The following CTNND2 variants were observed in gnomAD, a reference collection of about 807,000 sequenced individuals.
CTNND2 encodes catenin delta-2.
Under a neutral mutation model 144.4 loss-of-function variants are expected in CTNND2, and 22 were observed. The observed-to-expected ratio is 0.15, with a 90% CI of 0.11 to 0.22. CTNND2 has a LOEUF of 0.22. Ranked by LOEUF, CTNND2 falls within the 10% of genes least tolerant of loss-of-function variation. The pLI, the probability that CTNND2 is intolerant of heterozygous loss-of-function variation, is 1.00. For synonymous variants in CTNND2, 751 were observed against 695.6 expected (o/e 1.08, Z -1.25); for missense variants, 1,353 against 1,618.8 (o/e 0.84, Z 2.82).
At chr5:11,506,277 G>A (rs1413635491) in intron 3 of CTNND2, among the ~76,000 whole-genome samples, 1 of 152,190 alleles carries the variant, frequency 6.6e-6, no homozygotes, top group Non-Finnish European at 1.5e-5. Context: ...AAATTGGAAG[G>A]CTTTGGGAAA....
rs542347835 is a variant in CTNND2, at chr5:11,711,819, T to C, written c.174+20317A>G. ...ACACGGCCTTAAGTATGCTAACTTATCTCATTAAGCCTCAGTTTCCTCATC... is the reference window on the plus strand; with the variant it reads ...ACACGGCCTTAAGTATGCTAACTTACCTCATTAAGCCTCAGTTTCCTCATC... On this transcript the variant is annotated intron_variant, in intron 2 of 21. Transcript: ENST00000304623. Among the ~76,000 whole-genome samples the C allele has an allele frequency of 1.1e-4, 16 of 152,344 alleles. No homozygotes were observed. In the East Asian group the frequency reaches 2.9e-3, roughly 28 times the overall value.
chr5:11,468,591 G>A (rs879890870), intron 3 of CTNND2, among the ~76,000 whole-genome samples: 4 of 152,100 alleles, frequency 2.6e-5, no homozygotes, highest in Admixed American at 1.3e-4. Flanking sequence ...AGGGTGCTCG[G>A]ACAATACTGC....
chr5:11,071,939 C>T (rs749961123), intron 16 of CTNND2, among the ~76,000 whole-genome samples: 88 of 152,138 alleles, frequency 5.8e-4, no homozygotes, highest in South Asian at 1.5e-3. Context: ...GAAAAGAAGG[C>T]CAAGTAAAAA....
chr5:11,586,495 C>A (rs1345710389), intron 2 of CTNND2, among the ~76,000 whole-genome samples: 1 of 152,160 alleles, frequency 6.6e-6, no homozygotes, highest in African/African-American at 2.4e-5. Context: ...AATCAGAATT[C>A]ACACGTTAAT....
chr5:11,347,575 G>A (rs1754925786), intron 8 of CTNND2, among the ~76,000 whole-genome samples: 1 of 152,128 alleles, frequency 6.6e-6, no homozygotes, highest in African/African-American at 2.4e-5. Context: ...TTTCATTTCA[G>A]TAGAATATGA....
At chr5:11,468,053 G>A in intron 3 of CTNND2, among the ~76,000 whole-genome samples, 1 of 152,208 alleles carries the variant, frequency 6.6e-6, no homozygotes, top group East Asian at 1.9e-4. Flanking sequence ...ACGTGTGTCT[G>A]TGTGAAGTCC....
At chr5:11,198,069 G>A (rs371341746) in intron 11 of CTNND2, among the ~76,000 whole-genome samples, 56 of 152,242 alleles carry the variant, frequency 3.7e-4, no homozygotes, top group African/African-American at 1.3e-3. Flanking sequence ...TCTTTCTTTT[G>A]CAGGCAGTTC....
At chr5:11,289,411 C>T (rs972612221) in intron 9 of CTNND2, among the ~76,000 whole-genome samples, 14 of 152,220 alleles carry the variant, frequency 9.2e-5, no homozygotes, top group African/African-American at 3.4e-4. Flanking sequence ...CTGCGTATGG[C>T]ATCTTCTCTT....
At chr5:11,585,664 T>G (rs1266161670) in intron 2 of CTNND2, among the ~76,000 whole-genome samples, 1 of 152,008 alleles carries the variant, frequency 6.6e-6, no homozygotes, top group African/African-American at 2.4e-5. Flanking sequence ...GTGAACCAAA[T>G]AAACAGATTA....
At chr5:11,345,332 A>C (rs1163557632) in intron 9 of CTNND2, among the ~76,000 whole-genome samples, 1 of 152,160 alleles carries the variant, frequency 6.6e-6, no homozygotes, top group Non-Finnish European at 1.5e-5. Flanking sequence ...ATTACAATTC[A>C]CTTTTTCAAT....
At chr5:11,423,692 C>T (rs1356211086) in intron 3 of CTNND2, among the ~76,000 whole-genome samples, 2 of 152,314 alleles carry the variant, frequency 1.3e-5, no homozygotes, top group South Asian at 4.1e-4. Context: ...CTAAAATACA[C>T]TGATGTGCTC....
At chr5:11,812,776 C>G (rs924256141) in intron 1 of CTNND2, among the ~76,000 whole-genome samples, 1 of 152,140 alleles carries the variant, frequency 6.6e-6, no homozygotes, top group African/African-American at 2.4e-5. Context: ...AGCCTACAAT[C>G]AAGCTGACTC....
At chr5:11,336,998 G>C (rs1324793894) in intron 9 of CTNND2, among the ~76,000 whole-genome samples, 1 of 152,136 alleles carries the variant, frequency 6.6e-6, no homozygotes, top group Non-Finnish European at 1.5e-5. Context: ...TCTGGTGAGG[G>C]TTCCACAACG....
At chr5:11,095,309 C>T (rs1301322862) in intron 15 of CTNND2, among the ~76,000 whole-genome samples, 2 of 152,170 alleles carry the variant, frequency 1.3e-5, no homozygotes, top group Non-Finnish European at 2.9e-5. Flanking sequence ...AGTCTGAACA[C>T]TGAAAAGAAA....
At chr5:11,036,686 G>A (rs937303571) in intron 16 of CTNND2, among the ~76,000 whole-genome samples, 3 of 152,138 alleles carry the variant, frequency 2.0e-5, no homozygotes, top group African/African-American at 7.2e-5. Flanking sequence ...ACTGCGCCTG[G>A]CCTCAAACTA....
chr5:11,861,489 T>C (rs1795502643), intron 1 of CTNND2, among the ~76,000 whole-genome samples: 1 of 152,228 alleles, frequency 6.6e-6, no homozygotes, highest in Non-Finnish European at 1.5e-5. Flanking sequence ...GCAAATTCTT[T>C]GACCTTCAGA....
intron 6 of CTNND2, among the ~76,000 whole-genome samples, chr5:11,391,243 G>GGTA (rs1759609058): frequency 6.6e-6 from 1 of 151,830 alleles, no homozygotes; most frequent in South Asian, 2.1e-4. Context: ...AGAGCACTCT[G>GGTA]GTAAGGTAAC....
chr5:11,083,701 G>A (rs527711626), intron 15 of CTNND2, among the ~76,000 whole-genome samples: 4 of 152,352 alleles, frequency 2.6e-5, no homozygotes, highest in Admixed American at 6.5e-5. Context: ...ATTCACAAAT[G>A]TAAGGGTTTT....
chr5:11,235,584 T>G (rs1341941863), intron 10 of CTNND2, among the ~76,000 whole-genome samples: 2 of 152,192 alleles, frequency 1.3e-5, no homozygotes, highest in Middle Eastern at 3.2e-3. Flanking sequence ...TTCTGGGATG[T>G]TTGGCAGTAT....
Sources: gnomAD v4.1 joint callset for allele counts (sites outside exome capture counted in the v4.1 genomes callset) on GRCh38, gnomAD v4.1.1 for gene constraint, MANE v1.5 for transcripts, NCBI Gene and HGNC (gene_info 2026-07-23, HGNC 2026-07-21) for gene names.